AIMP2: variants seen among roughly 807,000 people sequenced by gnomAD.
The protein encoded by AIMP2 is aminoacyl tRNA synthetase complex interacting multifunctional protein 2.
Under a neutral mutation model 23.4 loss-of-function variants are expected in AIMP2, and 20 were observed. That is an observed-to-expected ratio of 0.85 (90% CI 0.60 to 1.24). The LOEUF (loss-of-function observed/expected upper bound fraction) is 1.24, where lower values mean the gene tolerates loss of function less well. Among genes scored for constraint, AIMP2 ranks in the 50% most tolerant of loss-of-function variants. The probability of loss-of-function intolerance (pLI) is 0.00; values close to 1 mark genes in which losing one functional copy is unlikely to be tolerated. For synonymous variants in AIMP2, 210 were observed against 170.4 expected, an observed-to-expected ratio of 1.23 and a Z score of -1.81; for missense variants, 515 against 414.5, an observed-to-expected ratio of 1.24 and a Z score of -2.10.
intron 3 of AIMP2, among the ~76,000 whole-genome samples, chr7:6,021,195 C>T (rs1206970473): frequency 6.6e-6 from 1 of 151,988 alleles, no homozygotes; most frequent in Non-Finnish European, 1.5e-5. Flanking sequence ...AAAGAGAACC[C>T]TGGCTGGGCA....
intron 3 of AIMP2, among the ~76,000 whole-genome samples, chr7:6,019,249 G>A (rs530275958): frequency 6.6e-6 from 1 of 151,442 alleles, no homozygotes; most frequent in Admixed American, 6.6e-5. Flanking sequence ...GGAGGCCGAG[G>A]CGGGCAGATC....
intron 1 of AIMP2, 100 bp downstream of exon 1, chr7:6,009,598 G>A: frequency 9.4e-7 from 1 of 1,065,712 alleles, no homozygotes; most frequent in Non-Finnish European, 1.2e-6. Context: ...CCGGTTCACG[G>A]CCCCACCCCG....
At chr7:6,015,063 G>C (rs1786935109) in intron 1 of AIMP2, 83 bp from the exon 2 acceptor site, 2 of 1,600,502 alleles carry the variant, frequency 1.2e-6, no homozygotes, top group Admixed American at 3.4e-5. Context: ...GTGAGTGCAT[G>C]GCAAAGTAAG....
At chr7:6,022,706 G>C (rs571925601) in intron 3 of AIMP2, 1 of 152,494 alleles carries the variant, frequency 6.6e-6, no homozygotes, top group Admixed American at 6.5e-5. Flanking sequence ...TGAGCATTTG[G>C]GGAAGGGGGT....
At position 6,009,966 on chromosome 7, in the gene AIMP2, A is replaced by AT. The variant is rs1162854647; in HGVS notation, c.135+468_135+469insT. On this transcript the variant is annotated intron_variant, in intron 1 of 3. Coordinates refer to ENST00000223029, the MANE Select transcript of AIMP2 (RefSeq NM_006303.4). Reference sequence around the variant, plus strand: ...CTCTATCTCAAAAAAAAAAAAAAAAAAAAAAAAAATATATATATATATATA... The same window carrying AT: ...CTCTATCTCAAAAAAAAAAAAAAAAATAAAAAAAAATATATATATATATATA... Among the ~76,000 whole-genome samples, 279 of 40,176 alleles carry AT rather than the reference A, an allele frequency of 6.9e-3. 13 individuals are homozygous for AT. The highest frequency in any genetic ancestry group is 0.014 in the African/African-American group (146 of 10,640). 26.4% of individuals were successfully genotyped at this position (40,176 alleles called of 152,430 possible).
At chr7:6,018,568 G>T (rs1177924870) in intron 3 of AIMP2, among the ~76,000 whole-genome samples, 1 of 151,664 alleles carries the variant, frequency 6.6e-6, no homozygotes, top group Non-Finnish European at 1.5e-5. Flanking sequence ...ACGCGCAGGG[G>T]CTCACGCCTG....
At chr7:6,012,775 C>A in intron 1 of AIMP2, 1 of 951,594 alleles carries the variant, frequency 1.1e-6, no homozygotes, top group Non-Finnish European at 1.3e-6. Context: ...TCCTCTCGAA[C>A]TCCTGACCTC....
intron 1 of AIMP2, among the ~76,000 whole-genome samples, chr7:6,009,974 A>AAAT: frequency 2.2e-4 from 6 of 26,674 alleles, no homozygotes; most frequent in African/African-American, 7.0e-4. Context: ...AAAAAAAAAA[A>AAAT]ATATATATAT....
intron 1 of AIMP2, among the ~76,000 whole-genome samples, chr7:6,011,414 GGCC>G (rs1369460785): frequency 6.6e-6 from 1 of 152,074 alleles, no homozygotes; most frequent in Non-Finnish European, 1.5e-5. Context: ...CATATTCACT[GGCC>G]GCTGTGATTG....
chr7:6,015,087 T>C, intron 1 of AIMP2, 59 bp from the exon 2 acceptor site: 1 of 1,609,252 alleles, frequency 6.2e-7, no homozygotes, highest in Non-Finnish European at 8.5e-7. Flanking sequence ...AGTGATCAAA[T>C]TTAAACAACA....
At chr7:6,014,388 G>T (rs1394776702) in intron 1 of AIMP2, among the ~76,000 whole-genome samples, 2 of 150,794 alleles carry the variant, frequency 1.3e-5, no homozygotes, top group Non-Finnish European at 2.9e-5. Context: ...CTCCTGAGTA[G>T]CTGGGACTAC....
intron 3 of AIMP2, among the ~76,000 whole-genome samples, chr7:6,019,008 G>C (rs1363624532): frequency 7.4e-6 from 1 of 134,726 alleles, no homozygotes; most frequent in East Asian, 2.0e-4. Context: ...GGCACCACTT[G>C]CAGTTGAGAG....
intron 1 of AIMP2, among the ~76,000 whole-genome samples, chr7:6,014,006 A>G (rs1786864453): frequency 1.3e-5 from 2 of 151,894 alleles, no homozygotes; most frequent in South Asian, 2.1e-4. Context: ...ACTTGGCCCC[A>G]TGGACGTGCT....
intron 1 of AIMP2, among the ~76,000 whole-genome samples, chr7:6,010,200 A>G (rs182274676): frequency 6.6e-6 from 1 of 151,326 alleles, no homozygotes; most frequent in Non-Finnish European, 1.5e-5. Context: ...TTGCTTAAAC[A>G]TTTTGGTTCA....
In AIMP2 at chr7:6,015,324, C is replaced by A. The variant is rs774134623; in HGVS notation, c.314C>A (p.Ala105Glu). The A allele has an allele frequency of 8.7e-6, 14 of 1,614,140 alleles. No homozygotes were observed. Among genetic ancestry groups the A allele is most frequent in the African/African-American group, 1.3e-5 (1 of 75,034 alleles). The change falls in exon 2 of 4, where the codon GCG becomes GAG. Residue 105 changes from alanine (A) to glutamate (E), a missense_variant. Ala to Glu is a moderately radical substitution (Grantham distance 107). Transcript: ENST00000223029. ...ADEPTTLTTN[A>E]LDLNSVLGKD... Reference sequence around the variant, plus strand: ...GAGCCCACGACTTTAACCACCAATGCGCTGGACTTGAATTCAGTGCTTGGG... The same window carrying A: ...GAGCCCACGACTTTAACCACCAATGAGCTGGACTTGAATTCAGTGCTTGGG...
intron 1 of AIMP2, among the ~76,000 whole-genome samples, chr7:6,009,974 A>AAAATATATATATATATATAT: frequency 3.7e-5 from 1 of 26,668 alleles, no homozygotes; most frequent in Non-Finnish European, 6.8e-5. Flanking sequence ...AAAAAAAAAA[A>AAAATATATATATATATATAT]ATATATATAT....
chr7:6,021,938 C>T (rs1484593362), intron 3 of AIMP2, among the ~76,000 whole-genome samples: 1 of 152,134 alleles, frequency 6.6e-6, no homozygotes, highest in Admixed American at 6.6e-5. Flanking sequence ...GCCTCTCGTC[C>T]TTTCCTGCCT....
chr7:6,016,495 T>C (rs913256953), intron 2 of AIMP2, among the ~76,000 whole-genome samples: 2 of 152,186 alleles, frequency 1.3e-5, no homozygotes, highest in African/African-American at 2.4e-5. Flanking sequence ...CATTCAGTAC[T>C]TGTTGGCATG....
intron 1 of AIMP2, among the ~76,000 whole-genome samples, chr7:6,014,250 CTTTTTTTTT>C (rs57008315): frequency 1.5e-5 from 1 of 67,518 alleles, no homozygotes; most frequent in Non-Finnish European, 2.6e-5. Context: ...TTTGTTGAAG[CTTTTTTTTT>C]TTTTTTTTTT....
Sources: gnomAD v4.1 joint callset for allele counts (sites outside exome capture counted in the v4.1 genomes callset) on GRCh38, gnomAD v4.1.1 for gene constraint, MANE v1.5 for transcripts, NCBI Gene and HGNC (gene_info 2026-07-23, HGNC 2026-07-21) for gene names.